The following KCTD16 variants were observed in gnomAD, a reference collection of about 807,000 sequenced individuals.
KCTD16 encodes potassium channel tetramerization domain containing 16.
KCTD16 carries 13 observed loss-of-function variants against 33.2 expected under a neutral mutation model. That is an observed-to-expected ratio of 0.39 (90% CI 0.25 to 0.62). KCTD16 has a LOEUF of 0.62. Among genes scored for constraint, KCTD16 ranks in the 20% least tolerant of loss-of-function variants. KCTD16 has a pLI of 0.50. For synonymous variants in KCTD16, 197 were observed against 195.3 expected (o/e 1.01, Z -0.07); for missense variants, 441 against 525.1 (o/e 0.84, Z 1.57).
intron 3 of KCTD16, among the ~76,000 whole-genome samples, chr5:144,342,566 T>C (rs1752675177): frequency 6.6e-6 from 1 of 152,304 alleles, no homozygotes; most frequent in South Asian, 2.1e-4. Flanking sequence ...TGAATACCCT[T>C]TATTTCCTTC....
chr5:144,464,556 G>A (rs539442760), intron 3 of KCTD16, among the ~76,000 whole-genome samples: 39 of 152,294 alleles, frequency 2.6e-4, no homozygotes, highest in Non-Finnish European at 3.7e-4. Context: ...AATGTCAATA[G>A]TGCCCTGACT....
intron 3 of KCTD16, among the ~76,000 whole-genome samples, chr5:144,424,493 C>T (rs1580954005): frequency 6.6e-6 from 1 of 152,122 alleles, no homozygotes; most frequent in Non-Finnish European, 1.5e-5. Context: ...GATCCTTAAG[C>T]AGTTTGCACT....
At chr5:144,469,674 T>G (rs1226879518) in intron 3 of KCTD16, among the ~76,000 whole-genome samples, 1 of 151,826 alleles carries the variant, frequency 6.6e-6, no homozygotes, top group Non-Finnish European at 1.5e-5. Context: ...GCTCAGAGAG[T>G]TGAAGTAATT....
At chr5:144,452,305 A>G (rs189631867) in intron 3 of KCTD16, among the ~76,000 whole-genome samples, 1 of 152,070 alleles carries the variant, frequency 6.6e-6, no homozygotes, top group East Asian at 1.9e-4. Context: ...ACCAATTTTA[A>G]GAAATGGGAT....
At chr5:144,394,809 G>T (rs1413364045) in intron 3 of KCTD16, among the ~76,000 whole-genome samples, 1 of 152,166 alleles carries the variant, frequency 6.6e-6, no homozygotes, top group Admixed American at 6.5e-5. Flanking sequence ...GTTTCCTGAG[G>T]CCTCTCTAGC....
chr5:144,391,004 A>G (rs1752436754), intron 3 of KCTD16, among the ~76,000 whole-genome samples: 1 of 151,740 alleles, frequency 6.6e-6, no homozygotes, highest in South Asian at 2.1e-4. Flanking sequence ...ATGAGTACCT[A>G]CAGCTCCCCC....
At chr5:144,272,395 A>T (rs921732705) in intron 3 of KCTD16, among the ~76,000 whole-genome samples, 1 of 152,050 alleles carries the variant, frequency 6.6e-6, no homozygotes, top group African/African-American at 2.4e-5. Context: ...GCACCATTGG[A>T]CTCCAGCCTG....
At chr5:144,322,884 A>C (rs17101786) in intron 3 of KCTD16, among the ~76,000 whole-genome samples, 12,592 of 152,160 alleles carry the variant, frequency 0.083, 1,267 homozygotes, top group African/African-American at 0.23. Context: ...TAGAATGCAT[A>C]TTCCAAATTA....
intron 3 of KCTD16, among the ~76,000 whole-genome samples, chr5:144,308,486 T>C (rs933359847): frequency 6.6e-6 from 1 of 152,138 alleles, no homozygotes; most frequent in African/African-American, 2.4e-5. Context: ...GCTGCTTGAA[T>C]TGCTAGGACA....
At chr5:144,249,109 G>T (rs1754627663) in intron 3 of KCTD16, among the ~76,000 whole-genome samples, 1 of 151,924 alleles carries the variant, frequency 6.6e-6, no homozygotes, top group Non-Finnish European at 1.5e-5. Context: ...TGTATTACTT[G>T]TCCAGCCTAC....
intron 3 of KCTD16, among the ~76,000 whole-genome samples, chr5:144,258,722 A>AT (rs1580826081): frequency 6.6e-6 from 1 of 152,116 alleles, no homozygotes; most frequent in Non-Finnish European, 1.5e-5. Flanking sequence ...TGAAAACAGT[A>AT]TTTTTTCAGG....
intron 2 of KCTD16, among the ~76,000 whole-genome samples, chr5:144,202,192 G>T (rs1753058840): frequency 1.3e-5 from 2 of 152,240 alleles, no homozygotes; most frequent in Non-Finnish European, 2.9e-5. Flanking sequence ...TTCAGTCCGG[G>T]AGTGCCATCC....
chr5:144,284,906 C>T (rs536160986), intron 3 of KCTD16, among the ~76,000 whole-genome samples: 8 of 152,288 alleles, frequency 5.3e-5, no homozygotes, highest in South Asian at 4.1e-4. Flanking sequence ...GATTCAGAGT[C>T]GAGGGTCACA....
intron 3 of KCTD16, among the ~76,000 whole-genome samples, chr5:144,438,892 G>A (rs1220848338): frequency 6.6e-6 from 1 of 152,138 alleles, no homozygotes; most frequent in Non-Finnish European, 1.5e-5. Flanking sequence ...AAGCCTGTAA[G>A]TCACCATCTT....
intron 3 of KCTD16, among the ~76,000 whole-genome samples, chr5:144,221,154 G>A (rs1474387929): frequency 6.6e-6 from 1 of 152,118 alleles, no homozygotes; most frequent in Non-Finnish European, 1.5e-5. Flanking sequence ...ATGTAAAGTG[G>A]CCATGTTGCT....
At chr5:144,332,519 C>T (rs1291215719) in intron 3 of KCTD16, among the ~76,000 whole-genome samples, 2 of 152,108 alleles carry the variant, frequency 1.3e-5, no homozygotes, top group African/African-American at 4.8e-5. Flanking sequence ...ACAACATGCC[C>T]AACAGAGGGC....
intron 3 of KCTD16, among the ~76,000 whole-genome samples, chr5:144,233,519 C>T (rs1754165409): frequency 6.6e-6 from 1 of 152,242 alleles, no homozygotes; most frequent in South Asian, 2.1e-4. Flanking sequence ...GCCCTTCTCA[C>T]AGTTCTTTTA....
chr5:144,440,834 G>A (rs1452849033), intron 3 of KCTD16, among the ~76,000 whole-genome samples: 1 of 151,942 alleles, frequency 6.6e-6, no homozygotes, highest in Non-Finnish European at 1.5e-5. Context: ...TTGGTGTGCT[G>A]CACCCATTAA....
chr5:144,201,343 C>T (rs1409454001), intron 2 of KCTD16, among the ~76,000 whole-genome samples: 1 of 152,176 alleles, frequency 6.6e-6, no homozygotes, highest in Admixed American at 6.5e-5. Flanking sequence ...CTGAAATTCC[C>T]CCATGAATAA....
Sources: gnomAD v4.1 joint callset for allele counts (sites outside exome capture counted in the v4.1 genomes callset) on GRCh38, gnomAD v4.1.1 for gene constraint, MANE v1.5 for transcripts, NCBI Gene and HGNC (gene_info 2026-07-23, HGNC 2026-07-21) for gene names.